AOAH: variants seen among roughly 807,000 people sequenced by gnomAD.
AOAH encodes acyloxyacyl hydrolase, also known as acyloxyacyl hydrolase (neutrophil).
A neutral mutation model predicts 92.2 loss-of-function variants in AOAH; 64 were observed. The ratio of observed to expected loss-of-function variants is 0.69; its 90% CI spans 0.57 to 0.86. AOAH has a LOEUF of 0.86. Ranked by LOEUF, AOAH falls within the 40% of genes least tolerant of loss-of-function variation. AOAH has a pLI of 0.00. For missense variants in AOAH, 656 were observed against 694.6 expected, an observed-to-expected ratio of 0.94 and a Z score of 0.62; for synonymous variants, 263 against 254.5, an observed-to-expected ratio of 1.03 and a Z score of -0.32.
intron 11 of AOAH, among the ~76,000 whole-genome samples, chr7:36,615,881 C>CT (rs34306027): frequency 0.11 from 16,683 of 146,172 alleles, 1,195 homozygotes; most frequent in East Asian, 0.23. Flanking sequence ...TGGCCCTCTT[C>CT]TTTTTTTTTT....
chr7:36,625,925 TG>T (rs1171829036), intron 6 of AOAH, among the ~76,000 whole-genome samples: 14 of 152,164 alleles, frequency 9.2e-5, no homozygotes, highest in African/African-American at 3.4e-4. Flanking sequence ...GAACTACAAA[TG>T]GTTTTCTCTC....
rs148067159 is a variant in AOAH at position 36,652,077 on chromosome 7, A to G, written c.390+7089T>C. Among the ~76,000 whole-genome samples, 425 of 152,308 alleles carry G rather than the reference A, an allele frequency of 2.8e-3. 2 individuals are homozygous for G. Among genetic ancestry groups the G allele is most frequent in the Non-Finnish European group, 4.2e-3 (289 of 68,018 alleles). ...TCTTGGTTTCCAAATACCATTTTCC[A>G]GTAAAAGGAACCAGGTCTCCTTCGG... On this transcript the variant is annotated intron_variant, in intron 4 of 20. Coordinates refer to ENST00000617537, the MANE Select transcript of AOAH (RefSeq NM_001637.4).
At chr7:36,720,503 G>A (rs148019805) in intron 1 of AOAH, among the ~76,000 whole-genome samples, 7 of 152,146 alleles carry the variant, frequency 4.6e-5, no homozygotes, top group African/African-American at 1.7e-4. Flanking sequence ...CTCTTTTTGA[G>A]GCTATTACTT....
intron 2 of AOAH, among the ~76,000 whole-genome samples, chr7:36,680,708 C>T (rs1045158749): frequency 2.6e-5 from 4 of 152,202 alleles, no homozygotes; most frequent in Non-Finnish European, 5.9e-5. Context: ...TTAACCTGAA[C>T]TGAGTGTTCT....
intron 20 of AOAH, among the ~76,000 whole-genome samples, chr7:36,520,276 T>C (rs893487951): frequency 6.6e-6 from 1 of 152,234 alleles, no homozygotes; most frequent in African/African-American, 2.4e-5. Context: ...AACAAAGCTG[T>C]CTTTGATCCT....
chr7:36,665,032 C>T (rs908924618), intron 3 of AOAH, among the ~76,000 whole-genome samples: 17 of 152,164 alleles, frequency 1.1e-4, no homozygotes, highest in African/African-American at 3.6e-4. Context: ...TTATCTAATA[C>T]CTCCTACTAG....
chr7:36,617,944 G>T (rs1353754946), intron 10 of AOAH, among the ~76,000 whole-genome samples: 1 of 152,142 alleles, frequency 6.6e-6, no homozygotes, highest in Non-Finnish European at 1.5e-5. Context: ...GTAATTAGAG[G>T]AAAATGCAAA....
intron 3 of AOAH, among the ~76,000 whole-genome samples, chr7:36,666,442 T>C (rs576254667): frequency 2.6e-5 from 4 of 152,196 alleles, no homozygotes; most frequent in African/African-American, 9.6e-5. Context: ...CTCTTTTCCT[T>C]AGTTAGGCTG....
chr7:36,616,280 A>C, intron 11 of AOAH, 100 bp downstream of exon 11: 3 of 942,364 alleles, frequency 3.2e-6, no homozygotes, highest in Non-Finnish European at 5.0e-6. Context: ...AAAGAGGGAA[A>C]TTTGCACCTG....
chr7:36,676,042 G>A (rs1483236486), intron 2 of AOAH, among the ~76,000 whole-genome samples: 2 of 152,106 alleles, frequency 1.3e-5, no homozygotes, highest in African/African-American at 2.4e-5. Context: ...ATTAAATACT[G>A]TCCCCTCACT....
chr7:36,588,043 G>T (rs2392453), intron 12 of AOAH, among the ~76,000 whole-genome samples: 36,111 of 152,080 alleles, frequency 0.24, 5,369 homozygotes, highest in African/African-American at 0.41. Context: ...CAGTACAAAT[G>T]CTTTATGCAT....
chr7:36,653,168 G>A (rs931071353), intron 4 of AOAH, among the ~76,000 whole-genome samples: 14 of 152,160 alleles, frequency 9.2e-5, no homozygotes, highest in African/African-American at 3.4e-4. Flanking sequence ...ATGTGACAGT[G>A]TGCTGTGAGC....
At chr7:36,680,093 G>C (rs1316772211) in intron 2 of AOAH, among the ~76,000 whole-genome samples, 1 of 152,132 alleles carries the variant, frequency 6.6e-6, no homozygotes, top group East Asian at 1.9e-4. Flanking sequence ...TAAAATTTCT[G>C]CATAGGTGAC....
chr7:36,722,710 G>C (rs190014421), intron 1 of AOAH, among the ~76,000 whole-genome samples: 287 of 150,926 alleles, frequency 1.9e-3, no homozygotes, highest in African/African-American at 6.7e-3. Context: ...CAAGGGGGGC[G>C]GATCACGAGG....
chr7:36,688,514 T>C (rs971939630), intron 1 of AOAH, among the ~76,000 whole-genome samples: 1 of 148,866 alleles, frequency 6.7e-6, no homozygotes, highest in African/African-American at 2.5e-5. Context: ...AACTAAAAAA[T>C]AATGATAAGT....
chr7:36,559,952 G>C (rs1787136602), intron 13 of AOAH, among the ~76,000 whole-genome samples: 1 of 152,104 alleles, frequency 6.6e-6, no homozygotes, highest in Non-Finnish European at 1.5e-5. Context: ...TCTGCCTATG[G>C]CTTGTCAGCT....
At chr7:36,565,935 C>T (rs1033815499) in intron 13 of AOAH, among the ~76,000 whole-genome samples, 1 of 152,162 alleles carries the variant, frequency 6.6e-6, no homozygotes, top group Non-Finnish European at 1.5e-5. Context: ...ATTTAAATTT[C>T]ACTAACTGTT....
chr7:36,547,465 G>A (rs747785743), intron 15 of AOAH, among the ~76,000 whole-genome samples: 5 of 152,228 alleles, frequency 3.3e-5, no homozygotes, highest in Non-Finnish European at 7.3e-5. Flanking sequence ...AAAGCATGGC[G>A]TATGAAATAC....
intron 19 of AOAH, among the ~76,000 whole-genome samples, 168 bp from the exon 20 acceptor site, chr7:36,522,283 T>TCTTCACACA (rs1364131021): frequency 3.3e-5 from 5 of 152,252 alleles, no homozygotes; most frequent in Admixed American, 2.0e-4. Context: ...ACAGAAATGA[T>TCTTCACACA]CTTCCCGCTG....
Sources: allele counts gnomAD v4.1 joint callset (sites outside exome capture counted in the v4.1 genomes callset), GRCh38; gene constraint gnomAD v4.1.1; transcripts MANE v1.5; gene names NCBI Gene and HGNC (gene_info 2026-07-23, HGNC 2026-07-21).